Variants in FSTL4 observed in about 807,000 individuals in gnomAD.
FSTL4 encodes the protein follistatin-related protein 4.
In FSTL4, 28 loss-of-function variants were observed where a neutral mutation model predicts 78.2. The observed-to-expected ratio is 0.36, with a 90% CI of 0.27 to 0.49. The LOEUF is 0.49. FSTL4 is among the 20% of genes least tolerant of loss of function. The pLI, the probability that FSTL4 is intolerant of heterozygous loss-of-function variation, is 0.98. For synonymous variants in FSTL4, 422 were observed against 440.5 expected (o/e 0.96, Z 0.53); for missense variants, 922 against 1,084.9 (o/e 0.85, Z 2.11).
chr5:133,649,866 T>A, the FSTL4 span, among the ~76,000 whole-genome samples: 3 of 152,104 alleles, frequency 2.0e-5, no homozygotes, highest in Admixed American at 6.6e-5. Flanking sequence ...TTCAATGAAG[T>A]TCAGTATTTT....
chr5:133,821,164 G>C, the FSTL4 span, among the ~76,000 whole-genome samples: 1 of 152,202 alleles, frequency 6.6e-6, no homozygotes, highest in Non-Finnish European at 1.5e-5. Flanking sequence ...ATTAAAGGAA[G>C]AAGACCCTTT....
At chr5:133,575,710 A>C (rs569476386) in intron 2 of FSTL4, among the ~76,000 whole-genome samples, 1 of 152,358 alleles carries the variant, frequency 6.6e-6, no homozygotes, top group South Asian at 2.1e-4. Context: ...AATGACACCA[A>C]GGCCCTGGAT....
chr5:133,480,726 A>G (rs1455899368), intron 3 of FSTL4, among the ~76,000 whole-genome samples: 3 of 152,038 alleles, frequency 2.0e-5, no homozygotes, highest in East Asian at 3.9e-4. Context: ...GCAATCTAAC[A>G]TCTAGACCTT....
At chr5:133,518,375 C>A (rs994708622) in intron 3 of FSTL4, among the ~76,000 whole-genome samples, 3 of 152,000 alleles carry the variant, frequency 2.0e-5, no homozygotes, top group African/African-American at 7.2e-5. Flanking sequence ...TGAATAAACA[C>A]ATGAAAAAAA....
chr5:133,657,562 A>ATATCTGTTCTT, the FSTL4 span, among the ~76,000 whole-genome samples: 1 of 152,034 alleles, frequency 6.6e-6, no homozygotes, highest in Non-Finnish European at 1.5e-5. Flanking sequence ...CCCTGTTTCC[A>ATATCTGTTCTT]TATCTGTTCT....
chr5:133,572,234 G>A (rs1760173388), intron 2 of FSTL4, among the ~76,000 whole-genome samples: 1 of 152,106 alleles, frequency 6.6e-6, no homozygotes, highest in Non-Finnish European at 1.5e-5. Flanking sequence ...AGGAAATAAT[G>A]GAACCAGAAG....
At chr5:133,229,641 C>A (rs1489707891) in intron 8 of FSTL4, among the ~76,000 whole-genome samples, 1 of 152,162 alleles carries the variant, frequency 6.6e-6, no homozygotes, top group African/African-American at 2.4e-5. Context: ...TTTGCTATAT[C>A]AGATATTACA....
chr5:133,302,595 G>A (rs1213084043), intron 6 of FSTL4, among the ~76,000 whole-genome samples: 4 of 152,188 alleles, frequency 2.6e-5, no homozygotes, highest in African/African-American at 9.6e-5. Context: ...TGGAAGGCCA[G>A]CTTTGGGGGA....
intron 7 of FSTL4, among the ~76,000 whole-genome samples, chr5:133,238,724 G>A (rs962995725): frequency 2.6e-5 from 4 of 152,240 alleles, no homozygotes; most frequent in Admixed American, 1.3e-4. Flanking sequence ...GTGCACACAC[G>A]TACCAACATA....
At chr5:133,619,849 G>A in the FSTL4 span, among the ~76,000 whole-genome samples, 5 of 152,156 alleles carry the variant, frequency 3.3e-5, no homozygotes, top group African/African-American at 1.2e-4. Flanking sequence ...CCATTTTGGT[G>A]TAGTATATAA....
At chr5:133,345,062 G>A (rs1426590036) in intron 4 of FSTL4, among the ~76,000 whole-genome samples, 5 of 149,496 alleles carry the variant, frequency 3.3e-5, no homozygotes, top group African/African-American at 5.0e-5. Flanking sequence ...TCCGCCTCCC[G>A]GGTTCACGCC....
At chr5:133,602,623 G>A (rs1760896241) in intron 2 of FSTL4, among the ~76,000 whole-genome samples, 1 of 152,112 alleles carries the variant, frequency 6.6e-6, no homozygotes, top group African/African-American at 2.4e-5. Flanking sequence ...GTTCCCATAA[G>A]GGAAATGCTG....
At chr5:133,692,745 A>G in the FSTL4 span, among the ~76,000 whole-genome samples, 1 of 152,108 alleles carries the variant, frequency 6.6e-6, no homozygotes, top group Non-Finnish European at 1.5e-5. Flanking sequence ...ACTCCCTCTC[A>G]CTTCCTGCTG....
chr5:133,568,613 A>T (rs1360162730), intron 2 of FSTL4, among the ~76,000 whole-genome samples: 1 of 152,204 alleles, frequency 6.6e-6, no homozygotes, highest in Non-Finnish European at 1.5e-5. Context: ...TGGTTCCTGA[A>T]GGAGTACTCA....
intron 3 of FSTL4, among the ~76,000 whole-genome samples, chr5:133,447,004 C>T (rs1264684496): frequency 2.6e-5 from 4 of 152,192 alleles, no homozygotes; most frequent in Admixed American, 6.5e-5. Context: ...CTACAAAGTA[C>T]ATCTTTCAGC....
chr5:133,366,075 A>G (rs1755175686), intron 4 of FSTL4, among the ~76,000 whole-genome samples: 2 of 152,156 alleles, frequency 1.3e-5, no homozygotes, highest in African/African-American at 2.4e-5. Flanking sequence ...TCCTTCTCCA[A>G]CATCATCTCC....
the FSTL4 span, among the ~76,000 whole-genome samples, chr5:133,729,432 G>T: frequency 3.7e-4 from 56 of 152,260 alleles, 1 homozygote; most frequent in Admixed American, 3.1e-3. Flanking sequence ...TGCTGGGAGG[G>T]TTAAATAAAT....
At chr5:133,741,678 G>A in the FSTL4 span, among the ~76,000 whole-genome samples, 2 of 152,200 alleles carry the variant, frequency 1.3e-5, no homozygotes, top group Non-Finnish European at 2.9e-5. Context: ...GGAAACATGA[G>A]GCTCAAGGTT....
intron 3 of FSTL4, among the ~76,000 whole-genome samples, chr5:133,414,955 A>C (rs1323800988): frequency 1.3e-5 from 2 of 152,228 alleles, no homozygotes; most frequent in African/African-American, 4.8e-5. Flanking sequence ...TGGAGGAAAA[A>C]AATGGACACA....
Sources: gnomAD v4.1 joint callset for allele counts (sites outside exome capture counted in the v4.1 genomes callset) on GRCh38, gnomAD v4.1.1 for gene constraint, MANE v1.5 for transcripts, NCBI Gene and HGNC (gene_info 2026-07-23, HGNC 2026-07-21) for gene names.